The following USP42 variants were observed in gnomAD, a reference collection of about 807,000 sequenced individuals.
USP42 encodes the protein ubiquitin specific peptidase 42.
In USP42, 23 loss-of-function variants were observed where a neutral mutation model predicts 113.0. The observed-to-expected ratio is 0.20, with a 90% confidence interval of 0.15 to 0.29. The LOEUF (loss-of-function observed/expected upper bound fraction) is 0.29, where lower values mean the gene tolerates loss of function less well. Ranked by LOEUF, USP42 falls within the 10% of genes least tolerant of loss-of-function variation. USP42 has a pLI of 1.00. For synonymous variants in USP42, 933 were observed against 699.0 expected (o/e 1.33, Z -5.28); for missense variants, 2,174 against 1,779.8 (o/e 1.22, Z -3.99).
chr7:6,143,136 C>A, intron 8 of USP42, 122 bp downstream of exon 8: 1 of 917,906 alleles, frequency 1.1e-6, no homozygotes, highest in Non-Finnish European at 1.7e-6. Context: ...TCTGGGAAGA[C>A]ACTGCGTCCC....
chr7:6,127,971 T>C (rs1474068322), intron 3 of USP42, among the ~76,000 whole-genome samples: 2 of 152,136 alleles, frequency 1.3e-5, no homozygotes, highest in Non-Finnish European at 1.5e-5. Flanking sequence ...GACCCAGGCT[T>C]TGTGCATTGG....
upstream of USP42, among the ~76,000 whole-genome samples, chr7:6,102,333 C>T (rs757117565): frequency 2.7e-5 from 4 of 150,092 alleles, no homozygotes; most frequent in Non-Finnish European, 5.9e-5. Context: ...AGGCTGGTCT[C>T]GAACTCCTGA....
chr7:6,115,248 TG>T, intron 2 of USP42, 74 bp from the exon 3 acceptor site: 1 of 1,444,424 alleles, frequency 6.9e-7, no homozygotes, highest in Non-Finnish European at 9.6e-7. Context: ...GATTGAGGTT[TG>T]ACCAGGTGTT....
chr7:6,091,451 C>A, the USP42 span, among the ~76,000 whole-genome samples: 1 of 150,522 alleles, frequency 6.6e-6, no homozygotes, highest in Non-Finnish European at 1.5e-5. Context: ...TGGTCTTGAA[C>A]TCCTAGACTC....
intron 1 of USP42, among the ~76,000 whole-genome samples, chr7:6,108,094 G>T (rs936500934): frequency 6.6e-6 from 1 of 152,172 alleles, no homozygotes; most frequent in African/African-American, 2.4e-5. Context: ...TGAGGCAAGA[G>T]AATCACTTGA....
rs1409020387 is a variant in USP42 at position 6,158,797 on chromosome 7, TGA to T, written c.3944-651_3944-650del. On this transcript the variant is annotated intron_variant, in intron 16 of 17. Coordinates refer to ENST00000306177, the MANE Select transcript of USP42 (RefSeq NM_032172.3). The surrounding 1 kb of genome is among the most constrained non-coding windows in gnomAD (Gnocchi z 4.2). ...GAGGATGCAGTGGATGGGCTCATTC[TGA>T]GTGTGGTGCAGGCTCCCAGGATCAT... Among the ~76,000 whole-genome samples the T allele has an allele frequency of 1.3e-5, 2 of 152,206 alleles. No individual in the cohort carries two copies. Among genetic ancestry groups the T allele is most frequent in the African/African-American group, 4.8e-5 (2 of 41,450 alleles).
At chr7:6,082,431 G>T in the USP42 span, among the ~76,000 whole-genome samples, 1 of 144,346 alleles carries the variant, frequency 6.9e-6, no homozygotes, top group Admixed American at 6.7e-5. Flanking sequence ...CCCGGCCCGG[G>T]TGGGTATTTA....
intron 8 of USP42, among the ~76,000 whole-genome samples, chr7:6,143,546 T>TATAA (rs1236879736): frequency 6.6e-6 from 1 of 152,214 alleles, no homozygotes; most frequent in African/African-American, 2.4e-5. Flanking sequence ...TGTATGTTTT[T>TATAA]AAGTAGATTT....
chr7:6,094,705 CTAT>C, the USP42 span, among the ~76,000 whole-genome samples: 1 of 151,114 alleles, frequency 6.6e-6, no homozygotes, highest in Non-Finnish European at 1.5e-5. Context: ...GAGCATGGCA[CTAT>C]TCTCTGCGAT....
intron 3 of USP42, among the ~76,000 whole-genome samples, chr7:6,121,369 A>G (rs985557816): frequency 4.0e-5 from 6 of 151,856 alleles, no homozygotes; most frequent in African/African-American, 1.4e-4. Flanking sequence ...CTTGGTCATG[A>G]TGCATTATTC....
At chr7:6,090,116 A>G in the USP42 span, among the ~76,000 whole-genome samples, 1 of 147,478 alleles carries the variant, frequency 6.8e-6, no homozygotes, top group Non-Finnish European at 1.5e-5. Context: ...TCTGACCAAC[A>G]TGGAGAAACC....
Position 6,147,840 on chromosome 7 carries a change from A to C in USP42, c.1334A>C (p.Lys445Thr). ...PVISQRVVTN[K>T]QAAPGFIGPQ... ...ATCAGTCAGCGGGTTGTCACCAACAAACAGGCTGCGCCAGGCTTTATCGGA... is the reference window on the plus strand; with the variant it reads ...ATCAGTCAGCGGGTTGTCACCAACACACAGGCTGCGCCAGGCTTTATCGGA... The change falls in exon 12 of 18, where the codon AAA (lysine) becomes ACA (threonine). Residue 445 changes from lysine to threonine, a missense_variant. By Grantham distance (78) the Lys-to-Thr change is moderately conservative (BLOSUM62 -1). Transcript: ENST00000306177. 1.2e-6 allele frequency: 2 copies of C among 1,613,532 alleles called. No individual in the cohort carries two copies. Among genetic ancestry groups the C allele is most frequent in the Non-Finnish European group, 1.7e-6 (2 of 1,179,658 alleles).
chr7:6,133,470 G>A (rs1300244110), intron 3 of USP42, among the ~76,000 whole-genome samples: 1 of 152,088 alleles, frequency 6.6e-6, no homozygotes, highest in African/African-American at 2.4e-5. Flanking sequence ...TTCTTCTGTG[G>A]TGTCTAATCT....
chr7:6,117,575 T>A (rs1779981476), intron 3 of USP42, among the ~76,000 whole-genome samples: 1 of 152,186 alleles, frequency 6.6e-6, no homozygotes, highest in Non-Finnish European at 1.5e-5. Context: ...TAAAATGGCT[T>A]GGTCCTGGGG....
intron 9 of USP42, 57 bp from the exon 10 acceptor site, chr7:6,145,459 A>C: frequency 1.2e-6 from 2 of 1,607,884 alleles, no homozygotes; most frequent in Admixed American, 3.3e-5. Flanking sequence ...CTCTACCTGA[A>C]TATGTGGAAT....
At chr7:6,112,732 A>AT (rs986082145) in intron 2 of USP42, among the ~76,000 whole-genome samples, 35 of 151,190 alleles carry the variant, frequency 2.3e-4, no homozygotes, top group South Asian at 6.3e-4. Context: ...TTTTTTTGAG[A>AT]TTTTTTTTTA....
rs1176064400 is a variant in USP42 at position 6,140,951 on chromosome 7, T to C, written c.762T>C (p.Phe254=). 6.4e-7 allele frequency: 1 copy of C among 1,561,334 alleles called. No individual in the cohort carries two copies. Among genetic ancestry groups the C allele is most frequent in the African/African-American group, 1.4e-5 (1 of 73,230 alleles). Residue 254 remains phenylalanine (F), a synonymous_variant, in exon 7 of 18, where the codon TTT becomes TTC. Transcript: ENST00000306177. ...CLNCKGVSDT[F]DPYLDITLEI... is the part of the protein sequence containing the mutation. ...ATTGCAAGGGCGTTTCAGATACTTT[T>C]GATCCATATCTTGATATAACATTGG...
Position 6,146,164 on chromosome 7 carries a change from G to T in USP42, c.1148G>T (p.Trp383Leu). ...CATTTATAGGCTAGCAATGGCCTCTGGTATCAAATGAATGACTCCATTGTA... is the reference window on the plus strand; with the variant it reads ...CATTTATAGGCTAGCAATGGCCTCTTGTATCAAATGAATGACTCCATTGTA... ...FCYIKASNGLWYQMNDSIVST... is the reference protein window; with the variant it reads ...FCYIKASNGLLYQMNDSIVST... Residue 383 changes from tryptophan to leucine, a missense_variant, in exon 11 of 18, where the codon TGG becomes TTG. Trp to Leu is a moderately conservative substitution (Grantham distance 61). Transcript: ENST00000306177. The T allele has an allele frequency of 6.3e-7, 1 of 1,596,134 alleles. No individual in the cohort carries two copies.
In USP42 at chr7:6,132,321, C is replaced by CTA. The variant is rs537143839; in HGVS notation, c.443-3515_443-3514dup. Reference sequence around the variant, plus strand: ...TCTGTTGTCGTTTTTACCTTTGTTCCTATATACATAATGATTTTTTGCTTT... The same window carrying CTA: ...TCTGTTGTCGTTTTTACCTTTGTTCCTATATATACATAATGATTTTTTGCTTT... On this transcript the variant is annotated intron_variant, in intron 3 of 17. Coordinates refer to ENST00000306177, the MANE Select transcript of USP42 (RefSeq NM_032172.3). Among the ~76,000 whole-genome samples the CTA allele has an allele frequency of 1.2e-4, 19 of 152,204 alleles. 1 individual carries two copies. In the South Asian group the frequency reaches 3.3e-3, roughly 27 times the overall value.
Sources: gnomAD v4.1 joint callset for allele counts (sites outside exome capture counted in the v4.1 genomes callset) on GRCh38, gnomAD v4.1.1 for gene constraint, Gnocchi (gnomAD v3.1) non-coding constraint, MANE v1.5 for transcripts, NCBI Gene and HGNC (gene_info 2026-07-23, HGNC 2026-07-21) for gene names.